The following PHF20 variants were observed in gnomAD, a reference collection of about 807,000 sequenced individuals.
PHF20 encodes PHD finger protein 20, also known as glioma-expressed antigen 2.
A neutral mutation model predicts 113.5 loss-of-function variants in PHF20; 23 were observed. The observed-to-expected ratio is 0.20, with a 90% confidence interval of 0.15 to 0.29. PHF20 has a LOEUF of 0.29. Ranked by LOEUF, PHF20 falls within the 10% of genes least tolerant of loss-of-function variation. PHF20 has a pLI of 1.00. For synonymous variants in PHF20, 434 were observed against 457.3 expected, an observed-to-expected ratio of 0.95 and a Z score of 0.65; for missense variants, 943 against 1,219.6, an observed-to-expected ratio of 0.77 and a Z score of 3.38.
At chr20:35,896,436 A>G (rs2054985752) in intron 9 of PHF20, among the ~76,000 whole-genome samples, 1 of 152,156 alleles carries the variant, frequency 6.6e-6, no homozygotes, top group South Asian at 2.1e-4. Flanking sequence ...TCTGTAGCAT[A>G]GGAATGACTT....
intron 1 of PHF20, among the ~76,000 whole-genome samples, chr20:35,780,849 C>CTTTTTTTT (rs61173937): frequency 4.1e-5 from 4 of 98,242 alleles, no homozygotes; most frequent in African/African-American, 9.6e-5. Flanking sequence ...GTGCCTGGCC[C>CTTTTTTTT]TTTTTTTTTT....
intron 2 of PHF20, among the ~76,000 whole-genome samples, chr20:35,816,522 T>G: frequency 6.6e-6 from 1 of 151,480 alleles, no homozygotes; most frequent in Non-Finnish European, 1.5e-5. Flanking sequence ...CAATCTCCGG[T>G]CACTGCAACC....
chr20:35,940,081 C>T (rs1265847794), intron 16 of PHF20, among the ~76,000 whole-genome samples: 1 of 152,202 alleles, frequency 6.6e-6, no homozygotes, highest in Non-Finnish European at 1.5e-5. Context: ...GAAGCCCCCT[C>T]AGTTACTGTG....
intron 1 of PHF20, among the ~76,000 whole-genome samples, chr20:35,786,814 A>G (rs2041427530): frequency 6.6e-6 from 1 of 152,076 alleles, no homozygotes. Context: ...CCCAGGGATA[A>G]AACTGTGATC....
chr20:35,777,175 C>A (rs906030764), intron 1 of PHF20, among the ~76,000 whole-genome samples: 2 of 152,204 alleles, frequency 1.3e-5, no homozygotes, highest in African/African-American at 4.8e-5. Flanking sequence ...GACTTCTCTG[C>A]CTTACCAAGA....
chr20:35,800,513 G>C (rs1274736443), intron 1 of PHF20, among the ~76,000 whole-genome samples: 1 of 152,188 alleles, frequency 6.6e-6, no homozygotes, highest in African/African-American at 2.4e-5. Context: ...GTTCACGCCT[G>C]TAATACCAGC....
chr20:35,946,341 G>A (rs2056082597), intron 17 of PHF20, among the ~76,000 whole-genome samples: 1 of 152,188 alleles, frequency 6.6e-6, no homozygotes, highest in African/African-American at 2.4e-5. Flanking sequence ...GGCTGAGGCA[G>A]GAGAATCGCT....
At chr20:35,795,355 C>T (rs1365064500) in intron 1 of PHF20, among the ~76,000 whole-genome samples, 1 of 151,988 alleles carries the variant, frequency 6.6e-6, no homozygotes, top group Admixed American at 6.6e-5. Context: ...CTGCCTCACC[C>T]TCCTGAGTAG....
intron 2 of PHF20, among the ~76,000 whole-genome samples, chr20:35,802,787 A>T (rs1215375825): frequency 6.6e-6 from 1 of 150,628 alleles, no homozygotes; most frequent in Non-Finnish European, 1.5e-5. Flanking sequence ...AAAATACAAA[A>T]AATTAGCCGG....
intron 10 of PHF20, among the ~76,000 whole-genome samples, chr20:35,912,257 C>T (rs1006459865): frequency 2.6e-5 from 4 of 152,072 alleles, no homozygotes; most frequent in African/African-American, 4.8e-5. Flanking sequence ...GGATTACAGG[C>T]GTGAGCCACC....
At position 35,950,318 on chromosome 20, in the gene PHF20, A is replaced by G. The variant is rs925992857; in HGVS notation, c.*2691A>G. 3.3e-5 allele frequency: 5 copies of G among 152,666 alleles called. No homozygotes were observed. The highest frequency in any genetic ancestry group is 1.2e-4 in the African/African-American group (5 of 41,466). 9.5% of individuals were successfully genotyped at this position (152,666 alleles called of 1,614,324 possible). ...TGCTTTGAAGCAATATTTGCAAAAC[A>G]CGCAGACTTCTGTATCTGTATTTGG... On this transcript the variant is annotated 3_prime_UTR_variant, in exon 18 of 18. Transcript: ENST00000374012.
Position 35,948,410 on chromosome 20 carries a change from C to T in PHF20, c.*783C>T, listed in dbSNP as rs988915078. On this transcript the variant is annotated 3_prime_UTR_variant, in exon 18 of 18. Coordinates refer to ENST00000374012, the MANE Select transcript of PHF20 (RefSeq NM_016436.5). ...CCACTTCTTAATATTGACAGCTTCC[C>T]CGTTCTATTTAATGTCCAAAAATGT... 7 of 152,562 alleles carry T rather than the reference C, an allele frequency of 4.6e-5. No individual in the cohort carries two copies. The highest frequency in any genetic ancestry group is 7.2e-5 in the African/African-American group (3 of 41,426). The allele number at this position is 152,562 out of a possible 1,614,324, so 9.5% of individuals were successfully genotyped here. A position where few individuals can be genotyped will look rare whatever the true frequency, so the allele number is the denominator to read the frequency against.
chr20:35,790,071 G>C (rs2041512516), intron 1 of PHF20, among the ~76,000 whole-genome samples: 1 of 151,680 alleles, frequency 6.6e-6, no homozygotes, highest in Admixed American at 6.6e-5. Context: ...TGGCCAGGCT[G>C]GTCTTGAATT....
intron 1 of PHF20, among the ~76,000 whole-genome samples, chr20:35,778,701 C>T (rs767444716): frequency 6.7e-6 from 1 of 149,508 alleles, no homozygotes; most frequent in Non-Finnish European, 1.5e-5. Flanking sequence ...TGCAGTGAGC[C>T]GAGATTACAC....
At chr20:35,801,997 C>G (rs2041789587) in intron 2 of PHF20, 1 of 159,140 alleles carries the variant, frequency 6.3e-6, no homozygotes, top group Non-Finnish European at 1.4e-5. Flanking sequence ...TGTGAACACC[C>G]CATCCTATTT....
Position 35,792,664 on chromosome 20 carries a change from C to T in PHF20, c.-32-8827C>T, listed in dbSNP as rs1051186563. ...CTTGAACCAATTTGTCACTTCCCTA[C>T]GACTAAAGATACGCTCTTTATGCAC... On this transcript the variant is annotated intron_variant, in intron 1 of 17. Coordinates refer to ENST00000374012, the MANE Select transcript of PHF20 (RefSeq NM_016436.5). 5.3e-5 allele frequency among the ~76,000 whole-genome samples: 8 copies of T among 152,192 alleles called. No individual in the cohort carries two copies. The South Asian group carries it at 8.3e-4, about 16-fold the overall frequency.
intron 15 of PHF20, among the ~76,000 whole-genome samples, chr20:35,935,757 A>C (rs2055853287): frequency 6.6e-6 from 1 of 152,218 alleles, no homozygotes; most frequent in Admixed American, 6.5e-5. Flanking sequence ...CTAGCAATTC[A>C]GAAGAGGGCA....
intron 16 of PHF20, 142 bp downstream of exon 16, chr20:35,939,250 A>C (rs1020122791): frequency 1.7e-5 from 17 of 997,554 alleles, no homozygotes; most frequent in Non-Finnish European, 2.4e-5. Context: ...TTGGTTTGCC[A>C]AAATGGGTGC....
chr20:35,869,399 T>C (rs975625172), intron 6 of PHF20, 39 bp from the exon 7 acceptor site: 3 of 1,030,960 alleles, frequency 2.9e-6, no homozygotes, highest in Non-Finnish European at 4.4e-6. Context: ...CACTAAGAAA[T>C]TATGTATCTT....
Sources: allele counts gnomAD v4.1 joint callset (sites outside exome capture counted in the v4.1 genomes callset), GRCh38; gene constraint gnomAD v4.1.1; transcripts MANE v1.5; gene names NCBI Gene and HGNC (gene_info 2026-07-23, HGNC 2026-07-21).